Variants in SEC24C observed in about 807,000 individuals in gnomAD.
SEC24C encodes the protein protein transport protein Sec24C.
A neutral mutation model predicts 117.0 loss-of-function variants in SEC24C; 22 were observed. The ratio of observed to expected loss-of-function variants is 0.19; its 90% confidence interval spans 0.13 to 0.27. The LOEUF (loss-of-function observed/expected upper bound fraction) is 0.27. Among genes scored for constraint, SEC24C ranks in the 10% least tolerant of loss-of-function variants. The pLI, the probability that SEC24C is intolerant of heterozygous loss-of-function variation, is 1.00. For synonymous variants in SEC24C, 506 were observed against 529.4 expected (o/e 0.96, Z 0.61); for missense variants, 1,155 against 1,375.1 (o/e 0.84, Z 2.53).
chr10:73,761,750 G>C (rs1334794381), intron 6 of SEC24C, among the ~76,000 whole-genome samples: 1 of 152,088 alleles, frequency 6.6e-6, no homozygotes, highest in Non-Finnish European at 1.5e-5. Context: ...TTCAGCATAA[G>C]ATAGTCCTTA....
intron 1 of SEC24C, among the ~76,000 whole-genome samples, chr10:73,746,116 C>T (rs1331535241): frequency 2.7e-5 from 4 of 147,542 alleles, no homozygotes; most frequent in Admixed American, 6.8e-5. Context: ...GCCGAGATCG[C>T]GCCACTGCAC....
chr10:73,771,154 C>T lies in SEC24C; in HGVS notation c.*59C>T. The T allele has an allele frequency of 6.3e-7, 1 of 1,578,876 alleles. No individual in the cohort carries two copies. Among genetic ancestry groups the T allele is most frequent in the South Asian group, 1.2e-5 (1 of 86,298 alleles). ...GCTTCCAGAAAGCACCCCAGGATGTCAGAGAAATTGGGACAGTAACATATC... is the reference window on the plus strand; with the variant it reads ...GCTTCCAGAAAGCACCCCAGGATGTTAGAGAAATTGGGACAGTAACATATC... On this transcript the variant is annotated 3_prime_UTR_variant, in exon 23 of 23. Coordinates refer to ENST00000345254, the MANE Select transcript of SEC24C (RefSeq NM_198597.3).
chr10:73,769,254 G>T lies in SEC24C; in HGVS notation c.2425-93G>T. ...AGCACTAAAAGAAGAGACAGGGCAC[G>T]GGAGTGGCTCATTTCTCTCTTCCAG... On this transcript the variant is annotated intron_variant, in intron 17 of 22. Transcript: ENST00000345254. The surrounding 1 kb of genome is among the most constrained non-coding windows in gnomAD (Gnocchi z 4.5). The T allele has an allele frequency of 6.3e-7, 1 of 1,586,602 alleles. No individual in the cohort carries two copies. The highest frequency in any genetic ancestry group is 1.1e-5 in the South Asian group (1 of 87,934).
chr10:73,760,640 G>A, intron 5 of SEC24C, 73 bp from the exon 6 acceptor site: 1 of 1,439,776 alleles, frequency 6.9e-7, no homozygotes, highest in Non-Finnish European at 9.4e-7. Context: ...TAGGAGTCTA[G>A]TCATTTTCCT....
At chr10:73,748,696 C>A in intron 2 of SEC24C, among the ~76,000 whole-genome samples, 1 of 151,680 alleles carries the variant, frequency 6.6e-6, no homozygotes. Flanking sequence ...CTCAGCCTCC[C>A]AAATGCTGGG....
rs780033484 is a variant in SEC24C at position 73,763,546 on chromosome 10, A to C, written c.1044A>C (p.Gly348=). 2 of 1,613,122 alleles carry C rather than the reference A, an allele frequency of 1.2e-6. No homozygotes were observed. Among genetic ancestry groups the C allele is most frequent in the Admixed American group, 1.7e-5 (1 of 59,926 alleles). Residue 348 remains glycine, a synonymous_variant, in exon 7 of 23, where the codon GGA becomes GGC. Coordinates refer to ENST00000345254, the MANE Select transcript of SEC24C (RefSeq NM_198597.3). Reference sequence around the variant, plus strand: ...GGGGTACAGAGCCATTTGTTACTGGAGTACGGGGCCAGGTGCCACCCTTAG... The same window carrying C: ...GGGGTACAGAGCCATTTGTTACTGGCGTACGGGGCCAGGTGCCACCCTTAG... ...NNRGTEPFVT[G]VRGQVPPLVT... is the part of the protein sequence containing the mutation.
rs762449897 is a variant in SEC24C at position 73,767,077 on chromosome 10, C to T, written c.1917C>T (p.Leu639=). The change falls in exon 14 of 23, where the codon CTC becomes CTT. Residue 639 remains leucine, a synonymous_variant. Coordinates refer to ENST00000345254, the MANE Select transcript of SEC24C (RefSeq NM_198597.3). ...ALKAAECAGK[L]FLFHTSLPIA... ...AGGCTGCTGAGTGTGCAGGGAAGCTCTTTCTATTCCATACATCCCTGCCCA... is the reference window on the plus strand; with the variant it reads ...AGGCTGCTGAGTGTGCAGGGAAGCTTTTTCTATTCCATACATCCCTGCCCA... 7.4e-6 allele frequency: 12 copies of T among 1,613,790 alleles called. No homozygotes were observed. Among genetic ancestry groups the T allele is most frequent in the Admixed American group, 1.7e-5 (1 of 59,994 alleles).
chr10:73,766,240 GA>G (rs1170462884), intron 11 of SEC24C, 30 bp downstream of exon 11: 9 of 1,602,558 alleles, frequency 5.6e-6, no homozygotes, highest in Non-Finnish European at 7.7e-6. Context: ...GGTGTTTCCT[GA>G]GGTTAATGAT....
At chr10:73,754,022 A>G (rs2082677748) in intron 3 of SEC24C, among the ~76,000 whole-genome samples, 2 of 152,166 alleles carry the variant, frequency 1.3e-5, no homozygotes, top group African/African-American at 2.4e-5. Context: ...TGTGTGGCCC[A>G]AGACACTTCT....
chr10:73,767,310 C>T (rs2082900165), intron 14 of SEC24C, 140 bp downstream of exon 14: 2 of 624,892 alleles, frequency 3.2e-6, no homozygotes, highest in South Asian at 3.9e-5. Flanking sequence ...CCACTGCTGC[C>T]ATACTTCTCT....
chr10:73,769,912 G>C lies in SEC24C; in HGVS notation c.2759G>C (p.Gly920Ala), dbSNP rs1337139630. The change falls in exon 20 of 23, where the codon GGA (glycine) becomes GCA (alanine). Residue 920 changes from glycine to alanine, a missense_variant. Around this residue, in one of 2 missense-constraint regions of SEC24C, gnomAD observed 759 missense variants for 992.3 expected, o/e 0.76. Transcript: ENST00000345254. The surrounding 1 kb of genome is among the most constrained non-coding windows in gnomAD (Gnocchi z 4.5). ...CVLKSDVLQP[G>A]AEVTTDDRAY... Reference sequence around the variant, plus strand: ...TTGAAGAGTGATGTCCTGCAGCCTGGAGCTGAAGTCACTACTGATGACCGT... The same window carrying C: ...TTGAAGAGTGATGTCCTGCAGCCTGCAGCTGAAGTCACTACTGATGACCGT... 1 of 1,614,156 alleles carries C rather than the reference G, an allele frequency of 6.2e-7. No individual in the cohort carries two copies. Among genetic ancestry groups the C allele is most frequent in the Non-Finnish European group, 8.5e-7 (1 of 1,180,034 alleles).
At chr10:73,766,038 T>C (rs1048018129) in intron 10 of SEC24C, 48 bp from the exon 11 acceptor site, 1 of 1,604,950 alleles carries the variant, frequency 6.2e-7, no homozygotes, top group East Asian at 2.2e-5. Context: ...TATAGTCAAC[T>C]GGCCTGCTTA....
intron 3 of SEC24C, among the ~76,000 whole-genome samples, chr10:73,752,732 G>T (rs2082659126): frequency 6.6e-6 from 1 of 152,088 alleles, no homozygotes; most frequent in Non-Finnish European, 1.5e-5. Context: ...GCTGAGGTGG[G>T]AGGATTGCTT....
At chr10:73,763,746 A>G (rs1193750733) in intron 7 of SEC24C, 110 bp from the exon 8 acceptor site, 1 of 1,197,836 alleles carries the variant, frequency 8.3e-7, no homozygotes, top group East Asian at 2.7e-5. Context: ...TGGGGGAAAA[A>G]GCCACCATCA....
chr10:73,770,168 C>A, intron 20 of SEC24C, 112 bp from the exon 21 acceptor site: 1 of 1,271,200 alleles, frequency 7.9e-7, no homozygotes, highest in Non-Finnish European at 1.1e-6. Context: ...TTACTGAGAC[C>A]CCAGAAGGGG....
At chr10:73,758,047 C>T (rs933934908) in intron 3 of SEC24C, among the ~76,000 whole-genome samples, 18 of 151,430 alleles carry the variant, frequency 1.2e-4, no homozygotes, top group African/African-American at 3.9e-4. Context: ...CCAGCCCGGC[C>T]AACATAGTGA....
In SEC24C at chr10:73,760,302, C is replaced by T. The variant is rs1234644531; in HGVS notation, c.766C>T (p.Pro256Ser). The T allele has an allele frequency of 1.1e-5, 17 of 1,613,458 alleles. No homozygotes were observed. The Admixed American group carries it at 2.7e-4, about 25-fold the overall frequency. The part of the protein sequence containing the change: ...HVSSPPQALP[P>S]GTQMTGPLGP... ...GTCTTCACCTCCTCAAGCTCTGCCC[C>T]CTGGCACCCAGATGACTGGGCCCCT... The change falls in exon 5 of 23, where the codon CCT becomes TCT. Residue 256 changes from proline (P) to serine (S), a missense_variant. This residue lies in a region of SEC24C where 396 missense variants were observed against 382.8 expected (regional missense o/e 1.03). Coordinates refer to ENST00000345254, the MANE Select transcript of SEC24C (RefSeq NM_198597.3).
chr10:73,768,043 G>C, intron 15 of SEC24C, 36 bp downstream of exon 15: 1 of 1,591,630 alleles, frequency 6.3e-7, no homozygotes, highest in African/African-American at 1.3e-5. Context: ...GGTGGCAGCA[G>C]GGCTGGGAAT....
chr10:73,762,313 AC>A (rs2082809941), intron 6 of SEC24C: 1 of 482,822 alleles, frequency 2.1e-6, no homozygotes, highest in Non-Finnish European at 3.6e-6. Flanking sequence ...ACTCACTTAT[AC>A]AAGATAAAAG....
Sources: allele counts gnomAD v4.1 joint callset (sites outside exome capture counted in the v4.1 genomes callset), GRCh38; gene constraint gnomAD v4.1.1; regional missense constraint gnomAD v4.1.1; non-coding constraint Gnocchi (gnomAD v3.1); transcripts MANE v1.5; gene names NCBI Gene and HGNC (gene_info 2026-07-23, HGNC 2026-07-21).